Variants in IQCK observed in about 807,000 individuals in gnomAD.
IQCK encodes the protein IQ domain-containing protein K.
In IQCK, 29 loss-of-function variants were observed where a neutral mutation model predicts 28.1. That is an observed-to-expected ratio of 1.03 (90% CI 0.77 to 1.41). The LOEUF (loss-of-function observed/expected upper bound fraction) is 1.41. Among genes scored for constraint, IQCK ranks in the 40% most tolerant of loss-of-function variants. The pLI is 0.00. For missense variants in IQCK, 359 were observed against 314.7 expected (o/e 1.14, Z -1.07); for synonymous variants, 113 against 115.1 (o/e 0.98, Z 0.12).
At chr16:19,748,253 T>C (rs4780826) in intron 4 of IQCK, among the ~76,000 whole-genome samples, 47,734 of 151,524 alleles carry the variant, frequency 0.32, 11,086 homozygotes, top group African/African-American at 0.66. Flanking sequence ...TTTTATGTTT[T>C]CAATAGAGAC....
intron 7 of IQCK, among the ~76,000 whole-genome samples, chr16:19,803,237 G>C (rs1292068152): frequency 5.9e-5 from 9 of 152,208 alleles, no homozygotes; most frequent in African/African-American, 2.2e-4. Flanking sequence ...CCACCTCCCA[G>C]GTTCAAGCAA....
intron 7 of IQCK, among the ~76,000 whole-genome samples, chr16:19,817,088 G>T (rs956608487): frequency 3.9e-5 from 6 of 152,046 alleles, no homozygotes; most frequent in Admixed American, 3.9e-4. Context: ...ATAATTAGGA[G>T]AATCTGATGG....
intron 4 of IQCK, among the ~76,000 whole-genome samples, chr16:19,759,004 T>C (rs1203376729): frequency 6.6e-6 from 1 of 152,192 alleles, no homozygotes; most frequent in African/African-American, 2.4e-5. Context: ...ATGGAAACAT[T>C]TTCCTAGTAA....
intron 7 of IQCK, among the ~76,000 whole-genome samples, chr16:19,803,595 A>G (rs140866749): frequency 1.3e-3 from 201 of 152,268 alleles, no homozygotes; most frequent in Non-Finnish European, 2.3e-3. Context: ...TTCTTTTTAG[A>G]TGAAGAATAA....
intron 1 of IQCK, among the ~76,000 whole-genome samples, chr16:19,722,285 G>A (rs543727612): frequency 6.6e-6 from 1 of 152,070 alleles, no homozygotes; most frequent in Non-Finnish European, 1.5e-5. Context: ...ATCTGTACAC[G>A]TGGAAGAAGC....
At chr16:19,857,536 A>C (rs1315530567) in exon 10 of IQCK, 1 of 399,058 alleles carries the variant, frequency 2.5e-6, no homozygotes, top group East Asian at 7.8e-5. Flanking sequence ...ATTATCTATC[A>C]AAAGTGAGCC....
intron 7 of IQCK, among the ~76,000 whole-genome samples, chr16:19,820,763 A>G (rs1452667534): frequency 2.0e-5 from 3 of 152,194 alleles, no homozygotes; most frequent in East Asian, 3.8e-4. Flanking sequence ...AAATACTAGT[A>G]TATAATACAT....
intron 4 of IQCK, among the ~76,000 whole-genome samples, chr16:19,757,763 A>T (rs966017349): frequency 3.3e-5 from 5 of 152,228 alleles, no homozygotes; most frequent in African/African-American, 9.6e-5. Context: ...TTTATTATTT[A>T]AAAAAATTTA....
chr16:19,778,660 AAAAAAT>A (rs2055431591), intron 6 of IQCK, among the ~76,000 whole-genome samples: 2 of 152,132 alleles, frequency 1.3e-5, no homozygotes, highest in Admixed American at 6.5e-5. Context: ...CTATCTCAAA[AAAAAAT>A]AAAAATAAAA....
chr16:19,847,735 A>C (rs2056430154), intron 9 of IQCK, among the ~76,000 whole-genome samples: 1 of 152,088 alleles, frequency 6.6e-6, no homozygotes, highest in African/African-American at 2.4e-5. Flanking sequence ...GAATCCAGTC[A>C]CTTTTTAATG....
intron 6 of IQCK, among the ~76,000 whole-genome samples, chr16:19,784,210 C>T (rs1218297294): frequency 6.6e-6 from 1 of 152,006 alleles, no homozygotes; most frequent in African/African-American, 2.4e-5. Flanking sequence ...CCTCCCTGCC[C>T]CCATTTTTTT....
chr16:19,829,143 T>C (rs1293938597), downstream of IQCK, among the ~76,000 whole-genome samples: 2 of 151,308 alleles, frequency 1.3e-5, no homozygotes, highest in Non-Finnish European at 2.9e-5. Context: ...TATAGTACTT[T>C]ATAATTATGA....
At chr16:19,761,255 G>T (rs2055137036) in intron 4 of IQCK, 13 of 396,614 alleles carry the variant, frequency 3.3e-5, no homozygotes, top group South Asian at 2.4e-4. Context: ...TTCCGAAGGG[G>T]TTATACTTCA....
chr16:19,752,243 A>G (rs550885448), intron 4 of IQCK, among the ~76,000 whole-genome samples: 1 of 152,360 alleles, frequency 6.6e-6, no homozygotes, highest in South Asian at 2.1e-4. Context: ...TTGAACTGCT[A>G]TATTAAACAG....
intron 6 of IQCK, among the ~76,000 whole-genome samples, chr16:19,781,071 T>A (rs1212752654): frequency 6.6e-6 from 1 of 152,156 alleles, no homozygotes; most frequent in Non-Finnish European, 1.5e-5. Context: ...TCTGCTCTTC[T>A]GAACATCCCC....
intron 7 of IQCK, among the ~76,000 whole-genome samples, chr16:19,803,402 C>G (rs558276820): frequency 6.6e-6 from 1 of 152,092 alleles, no homozygotes; most frequent in Non-Finnish European, 1.5e-5. Flanking sequence ...CTCAGCCTCC[C>G]GAGGTGCTGG....
chr16:19,810,366 G>C (rs1200883021), intron 7 of IQCK, among the ~76,000 whole-genome samples: 1 of 151,688 alleles, frequency 6.6e-6, no homozygotes, highest in African/African-American at 2.4e-5. Flanking sequence ...GTGTGGTGGC[G>C]GGTGCCTGTA....
rs561602514 is a variant in IQCK at position 19,827,123 on chromosome 16, A to G, written c.788A>G (p.Lys263Arg). 6.8e-6 allele frequency: 11 copies of G among 1,612,786 alleles called. No individual in the cohort carries two copies. In the Admixed American group the frequency reaches 1.7e-4, roughly 24 times the overall value. ...CAGCAAGTCAAAATTTTCTGGGCCA[A>G]GCAAGAACAAAAAGGTAAGTTGCTG... Residue 263 changes from lysine (K) to arginine (R), a missense_variant, in exon 8 of 8, where the codon AAG (lysine) becomes AGG (arginine). Transcript: ENST00000564186.
chr16:19,833,505 G>C (rs189576574), intron 9 of IQCK, among the ~76,000 whole-genome samples: 210 of 152,232 alleles, frequency 1.4e-3, no homozygotes, highest in Non-Finnish European at 2.3e-3. Flanking sequence ...AAGATTAAGT[G>C]AGTTTCTTGG....
Sources: gnomAD v4.1 joint callset for allele counts (sites outside exome capture counted in the v4.1 genomes callset) on GRCh38, gnomAD v4.1.1 for gene constraint, MANE v1.5 for transcripts, NCBI Gene and HGNC (gene_info 2026-07-23, HGNC 2026-07-21) for gene names.